ZNF254: variants seen among roughly 807,000 people sequenced by gnomAD.
ZNF254 encodes zinc finger protein 254.
A neutral mutation model predicts 12.4 loss-of-function variants in ZNF254; 10 were observed. That is an observed-to-expected ratio of 0.80 (90% CI 0.50 to 1.36). ZNF254 has a LOEUF of 1.36. Among genes scored for constraint, ZNF254 ranks in the 40% most tolerant of loss-of-function variants. The pLI is 0.00. For missense variants in ZNF254, 996 were observed against 763.9 expected (o/e 1.30, Z -3.58); for synonymous variants, 305 against 253.4 (o/e 1.20, Z -1.93).
chr19:24,115,034 G>T (rs1354493159), intron 3 of ZNF254, among the ~76,000 whole-genome samples: 2 of 152,272 alleles, frequency 1.3e-5, no homozygotes, highest in Non-Finnish European at 2.9e-5. Context: ...AACAGGTGCT[G>T]GAGAGGATGT....
chr19:24,127,482 A>C lies in ZNF254; in HGVS notation c.1482A>C (p.Glu494Asp), dbSNP rs573443908. ...GAGAGAAACCCTACAAATGTGAAGA[A>C]TGTGGCAAATCTTTTAGCCAATCCT... ...HTGEKPYKCE[E>D]CGKSFSQSST... The change falls in exon 4 of 4, where the codon GAA (glutamate) becomes GAC (aspartate). Residue 494 changes from glutamate (E) to aspartate (D), a missense_variant. By Grantham distance (45) the Glu-to-Asp change is conservative (BLOSUM62 2). Coordinates refer to ENST00000357002, the MANE Select transcript of ZNF254 (RefSeq NM_203282.4). The C allele has an allele frequency of 3.2e-5, 52 of 1,613,634 alleles. No individual in the cohort carries two copies. In the South Asian group the frequency reaches 5.3e-4, roughly 16 times the overall value.
In ZNF254 at chr19:24,129,091, G is replaced by A. The variant is rs552800293; in HGVS notation, c.*1111G>A. 2.3e-4 allele frequency: 35 copies of A among 151,990 alleles called. No individual in the cohort carries two copies. The highest frequency in any genetic ancestry group is 8.5e-4 in the Admixed American group (13 of 15,260). The allele number at this position is 151,990 out of a possible 1,614,324, so 9.4% of individuals were successfully genotyped here. ...ATAAGGACATTAAAATGTAAGATGC[G>A]TGAGGAAAATTTAGGTAGAGAGGCT... is the stretch of plus-strand genomic sequence containing the variant. On this transcript the variant is annotated 3_prime_UTR_variant, in exon 4 of 4. Transcript: ENST00000357002.
chr19:24,044,277 G>A (rs1970291480), intron 1 of ZNF254, among the ~76,000 whole-genome samples: 1 of 150,964 alleles, frequency 6.6e-6, no homozygotes, highest in Non-Finnish European at 1.5e-5. Flanking sequence ...GGTGGCTCAC[G>A]CCTATAATCC....
chr19:24,103,547 CTATT>C (rs548814174), intron 1 of ZNF254, among the ~76,000 whole-genome samples: 2 of 152,192 alleles, frequency 1.3e-5, no homozygotes, highest in Non-Finnish European at 2.9e-5. Context: ...GTGAAAGCGT[CTATT>C]TGTTTTAATT....
chr19:24,122,702 CTG>C (rs376586847), intron 3 of ZNF254, among the ~76,000 whole-genome samples: 9 of 149,294 alleles, frequency 6.0e-5, no homozygotes, highest in African/African-American at 2.2e-4. Flanking sequence ...TTTTTGAAGA[CTG>C]AGTGATATTT....
chr19:24,113,869 C>T (rs1438845397), intron 3 of ZNF254, among the ~76,000 whole-genome samples: 1 of 152,188 alleles, frequency 6.6e-6, no homozygotes, highest in African/African-American at 2.4e-5. Flanking sequence ...ACAACAATCA[C>T]AAGCATTCTT....
intron 3 of ZNF254, 56 bp downstream of exon 3, chr19:24,106,699 A>G (rs993820089): frequency 1.1e-5 from 16 of 1,401,924 alleles, no homozygotes; most frequent in Non-Finnish European, 1.6e-5. Flanking sequence ...AGTCAAGAAG[A>G]AAGCCACTCT....
chr19:24,084,195 T>C (rs901003557), upstream of ZNF254, among the ~76,000 whole-genome samples: 6 of 148,156 alleles, frequency 4.0e-5, no homozygotes, highest in Non-Finnish European at 7.4e-5. Flanking sequence ...TATAATAATA[T>C]ATATACACCA....
chr19:24,124,749 T>C (rs2145993954), intron 3 of ZNF254, among the ~76,000 whole-genome samples: 1 of 152,078 alleles, frequency 6.6e-6, no homozygotes, highest in South Asian at 2.1e-4. Context: ...TGTTTGTAAA[T>C]GGCACATCAC....
At chr19:24,125,090 C>G (rs775965531) in intron 3 of ZNF254, among the ~76,000 whole-genome samples, 15 of 152,100 alleles carry the variant, frequency 9.9e-5, no homozygotes, top group Non-Finnish European at 1.9e-4. Context: ...TGACCTGGCA[C>G]ATCAGTTTTA....
intron 1 of ZNF254, among the ~76,000 whole-genome samples, chr19:24,043,056 C>A (rs1970238046): frequency 6.6e-6 from 1 of 151,944 alleles, no homozygotes; most frequent in East Asian, 1.9e-4. Context: ...GAGAACAAAT[C>A]TCATTTTTGT....
In ZNF254 at chr19:24,127,516, A is replaced by C. The variant is rs1294893632; in HGVS notation, c.1516A>C (p.Thr506Pro). 3 of 1,613,486 alleles carry C rather than the reference A, an allele frequency of 1.9e-6. No homozygotes were observed. The African/African-American group carries it at 4.0e-5, about 22-fold the overall frequency. Residue 506 changes from threonine to proline, a missense_variant, in exon 4 of 4, where the codon ACT becomes CCT. Physicochemically the swap from Thr to Pro is conservative, Grantham distance 38. Transcript: ENST00000357002. ...ATCTTTTAGCCAATCCTCAACCCTTACTACACATAAGATAATTCATACTGG... is the reference window on the plus strand; with the variant it reads ...ATCTTTTAGCCAATCCTCAACCCTTCCTACACATAAGATAATTCATACTGG... Reference protein sequence around the residue: ...GKSFSQSSTLTTHKIIHTGEK... With the variant: ...GKSFSQSSTLPTHKIIHTGEK...
At chr19:24,119,111 TCAAAAA>T (rs1974306868) in intron 3 of ZNF254, among the ~76,000 whole-genome samples, 1 of 151,658 alleles carries the variant, frequency 6.6e-6, no homozygotes, top group African/African-American at 2.4e-5. Context: ...GACTCTGACT[TCAAAAA>T]CAAAAAAAGT....
intron 1 of ZNF254, among the ~76,000 whole-genome samples, chr19:24,039,500 C>T (rs1044771994): frequency 2.6e-5 from 4 of 152,190 alleles, no homozygotes; most frequent in Non-Finnish European, 5.9e-5. Flanking sequence ...CCTTGGCTCA[C>T]TGCAACCTCT....
chr19:24,036,315 C>T (rs1052507037), intron 1 of ZNF254, among the ~76,000 whole-genome samples: 1 of 152,078 alleles, frequency 6.6e-6, no homozygotes, highest in African/African-American at 2.4e-5. Flanking sequence ...CCTCGGCCTC[C>T]CAAAGTGCTG....
At chr19:24,046,522 A>G (rs1376421193) in intron 2 of ZNF254, among the ~76,000 whole-genome samples, 1 of 151,818 alleles carries the variant, frequency 6.6e-6, no homozygotes, top group Non-Finnish European at 1.5e-5. Context: ...TTCCTGGGCT[A>G]TCAAAACTTG....
chr19:24,042,008 G>C (rs1970187029), intron 1 of ZNF254, among the ~76,000 whole-genome samples: 2 of 139,050 alleles, frequency 1.4e-5, no homozygotes, highest in Non-Finnish European at 3.2e-5. Flanking sequence ...TCGACACTCT[G>C]TATCTAGCTG....
intron 3 of ZNF254, 54 bp from the exon 4 acceptor site, chr19:24,126,200 A>C: frequency 8.2e-7 from 1 of 1,218,946 alleles, no homozygotes; most frequent in East Asian, 2.8e-5. Flanking sequence ...TTTAAACTAT[A>C]TTCATGTGAG....
chr19:24,119,218 G>A (rs950101955), intron 3 of ZNF254, among the ~76,000 whole-genome samples: 1 of 151,720 alleles, frequency 6.6e-6, no homozygotes, highest in African/African-American at 2.4e-5. Context: ...TTGAGATGAA[G>A]TCTCACTCTG....
Sources: allele counts gnomAD v4.1 joint callset (sites outside exome capture counted in the v4.1 genomes callset), GRCh38; gene constraint gnomAD v4.1.1; transcripts MANE v1.5; gene names NCBI Gene and HGNC (gene_info 2026-07-23, HGNC 2026-07-21).